Variants in RANBP2 observed in about 807,000 individuals in gnomAD.
RANBP2 encodes the protein E3 SUMO-protein ligase RanBP2.
A neutral mutation model predicts 303.6 loss-of-function variants in RANBP2; 57 were observed. The ratio of observed to expected loss-of-function variants is 0.19; its 90% CI spans 0.15 to 0.23. RANBP2 has a LOEUF of 0.23. Among genes scored for constraint, RANBP2 ranks in the 10% least tolerant of loss-of-function variants. RANBP2 has a pLI of 1.00. For synonymous variants in RANBP2, 1,167 were observed against 1,301.5 expected, an observed-to-expected ratio of 0.90 and a Z score of 2.23; for missense variants, 3,138 against 3,780.8, an observed-to-expected ratio of 0.83 and a Z score of 4.46.
chr2:109,479,667 G>T, the RANBP2 span, among the ~76,000 whole-genome samples: 2 of 152,202 alleles, frequency 1.3e-5, no homozygotes, highest in East Asian at 3.9e-4. Context: ...CTGCACTTTT[G>T]TCTCCTCATT....
chr2:109,248,065 C>T, the RANBP2 span, among the ~76,000 whole-genome samples: 1 of 152,304 alleles, frequency 6.6e-6, no homozygotes, highest in African/African-American at 2.4e-5. Flanking sequence ...GGCCTGGATC[C>T]AGGGAACATG....
At chr2:109,632,176 G>A in the RANBP2 span, among the ~76,000 whole-genome samples, 1 of 152,184 alleles carries the variant, frequency 6.6e-6, no homozygotes, top group East Asian at 1.9e-4. Context: ...CACGAGGAAA[G>A]GCCACTGAAG....
At chr2:109,595,289 C>T in the RANBP2 span, among the ~76,000 whole-genome samples, 52 of 152,290 alleles carry the variant, frequency 3.4e-4, 1 homozygote, top group South Asian at 4.1e-4. Context: ...AGGGACACAA[C>T]GGTTCTGATT....
the RANBP2 span, among the ~76,000 whole-genome samples, chr2:109,668,453 C>A: frequency 6.6e-6 from 1 of 152,162 alleles, no homozygotes; most frequent in Non-Finnish European, 1.5e-5. Context: ...ATTCTCAAGT[C>A]AATACATCAC....
chr2:109,052,638 G>A, the RANBP2 span, among the ~76,000 whole-genome samples: 2 of 152,172 alleles, frequency 1.3e-5, no homozygotes, highest in South Asian at 4.2e-4. Flanking sequence ...TGTTGCACAC[G>A]AGCAACAAAG....
At chr2:109,495,477 CTTTTTTTTTTT>C in the RANBP2 span, among the ~76,000 whole-genome samples, 1,055 of 94,214 alleles carry the variant, frequency 0.011, 7 homozygotes, top group Non-Finnish European at 0.012. Flanking sequence ...TCTTTCATTC[CTTTTTTTTTTT>C]TTTTTTTTTT....
At chr2:108,953,781 C>G in the RANBP2 span, among the ~76,000 whole-genome samples, 1 of 152,116 alleles carries the variant, frequency 6.6e-6, no homozygotes, top group African/African-American at 2.4e-5. Flanking sequence ...GTGGAGAGGC[C>G]AGTTAGGCAG....
rs533822750 is a variant in RANBP2, at chr2:108,738,876, C to T, written c.783-1613C>T. Among the ~76,000 whole-genome samples the T allele has an allele frequency of 8.8e-4, 133 of 150,668 alleles. No homozygotes were observed. The South Asian group carries it at 9.1e-3, about 10-fold the overall frequency. ...AACTCCTGACCTCAGGTGATCCACC[C>T]GCCTTGGCCTCCCAAAGAGCTGGAA... On this transcript the variant is annotated intron_variant, in intron 6 of 28. Transcript: ENST00000283195.
the RANBP2 span, among the ~76,000 whole-genome samples, chr2:109,612,374 C>T: frequency 2.6e-4 from 40 of 152,234 alleles, no homozygotes; most frequent in South Asian, 1.2e-3. Context: ...CTGGGAACAT[C>T]CTTTATCTTC....
chr2:109,453,846 C>T, the RANBP2 span, among the ~76,000 whole-genome samples: 13 of 152,140 alleles, frequency 8.5e-5, no homozygotes, highest in Non-Finnish European at 1.0e-4. Flanking sequence ...GGAGACTTCC[C>T]GGGGCACAGA....
Position 108,764,472 on chromosome 2 carries a change from T to C in RANBP2, c.3933T>C (p.Asn1311=), listed in dbSNP as rs1676967269. The change falls in exon 20 of 29, where the codon AAT becomes AAC. Residue 1311 remains asparagine (N), a synonymous_variant. Transcript: ENST00000283195. The part of the protein sequence containing the change: ...AQSILKAPGT[N]VAMASNQAVR... ...GCATTTTAAAAGCCCCAGGAACAAA[T>C]GTAGCCATGGCGTCAAATCAGGCTG... is the stretch of plus-strand genomic sequence containing the variant. The C allele has an allele frequency of 2.5e-6, 4 of 1,613,938 alleles. No individual in the cohort carries two copies. The highest frequency in any genetic ancestry group is 3.4e-6 in the Non-Finnish European group (4 of 1,179,962).
the RANBP2 span, among the ~76,000 whole-genome samples, chr2:109,778,440 A>G: frequency 1.3e-5 from 2 of 149,886 alleles, no homozygotes; most frequent in African/African-American, 5.0e-5. Flanking sequence ...TAGCTTTTCT[A>G]TTATCTCAAC....
chr2:109,153,876 T>C, the RANBP2 span, among the ~76,000 whole-genome samples: 2 of 152,350 alleles, frequency 1.3e-5, no homozygotes, highest in African/African-American at 4.8e-5. Flanking sequence ...TCTGGGACAT[T>C]AGCAGTCGGG....
chr2:109,376,863 C>T, the RANBP2 span, among the ~76,000 whole-genome samples: 1 of 152,234 alleles, frequency 6.6e-6, no homozygotes, highest in Non-Finnish European at 1.5e-5. Flanking sequence ...GGAAGAACCC[C>T]TTCCTTTGTT....
the RANBP2 span, among the ~76,000 whole-genome samples, chr2:108,897,601 T>G: frequency 4.0e-3 from 612 of 152,196 alleles, 5 homozygotes; most frequent in African/African-American, 0.014. Flanking sequence ...GAGGAGGGGT[T>G]CAAAGGGACA....
the RANBP2 span, among the ~76,000 whole-genome samples, chr2:109,686,095 G>A: frequency 3.9e-5 from 6 of 151,908 alleles, no homozygotes; most frequent in South Asian, 2.1e-4. Flanking sequence ...TTTATTTTTA[G>A]TTTTTAGGTG....
At chr2:109,323,608 C>A in the RANBP2 span, among the ~76,000 whole-genome samples, 2 of 152,180 alleles carry the variant, frequency 1.3e-5, no homozygotes, top group Non-Finnish European at 1.5e-5. Context: ...TGCACTGGGG[C>A]TGGAGACTCC....
chr2:108,950,692 C>T, the RANBP2 span, among the ~76,000 whole-genome samples: 3 of 152,256 alleles, frequency 2.0e-5, no homozygotes, highest in South Asian at 6.2e-4. Flanking sequence ...TTCTCCACAT[C>T]CCTGCCCTTG....
At chr2:109,637,935 G>C in the RANBP2 span, among the ~76,000 whole-genome samples, 2 of 152,140 alleles carry the variant, frequency 1.3e-5, no homozygotes, top group East Asian at 3.9e-4. Flanking sequence ...TCCAGTCTGG[G>C]TGACAGAACA....
Sources: allele counts gnomAD v4.1 joint callset (sites outside exome capture counted in the v4.1 genomes callset), GRCh38; gene constraint gnomAD v4.1.1; transcripts MANE v1.5; gene names NCBI Gene and HGNC (gene_info 2026-07-23, HGNC 2026-07-21).